The following TSG101 variants were observed in gnomAD, a reference collection of about 807,000 sequenced individuals.
TSG101 encodes tumor susceptibility gene 101 protein.
In TSG101, 19 loss-of-function variants were observed where a neutral mutation model predicts 48.5. The observed-to-expected ratio is 0.39, with a 90% CI of 0.27 to 0.58. The LOEUF (loss-of-function observed/expected upper bound fraction) is 0.58, where lower values mean the gene tolerates loss of function less well. Ranked by LOEUF, TSG101 falls within the 20% of genes least tolerant of loss-of-function variation. The pLI, the probability that TSG101 is intolerant of heterozygous loss-of-function variation, is 0.55. For missense variants in TSG101, 365 were observed against 484.4 expected (o/e 0.75, Z 2.31); for synonymous variants, 174 against 169.4 (o/e 1.03, Z -0.21).
At chr11:18,504,806 C>T (rs1349215007) in intron 6 of TSG101, among the ~76,000 whole-genome samples, 1 of 152,164 alleles carries the variant, frequency 6.6e-6, no homozygotes, top group Admixed American at 6.5e-5. Context: ...CTGCTTTTTA[C>T]TAGCAATTGT....
At chr11:18,519,643 A>G (rs769821075) in intron 1 of TSG101, 40 bp from the exon 2 acceptor site, 71 of 1,423,732 alleles carry the variant, frequency 5.0e-5, no homozygotes, top group Non-Finnish European at 6.5e-5. Context: ...TTTAAAACCA[A>G]TGCATATATT....
chr11:18,496,879 G>A (rs1006109548), intron 7 of TSG101, among the ~76,000 whole-genome samples: 8 of 152,084 alleles, frequency 5.3e-5, no homozygotes, highest in African/African-American at 1.9e-4. Context: ...GAGGTCAGGA[G>A]TTGCAGTTGG....
chr11:18,512,068 G>C (rs370396669), intron 4 of TSG101, among the ~76,000 whole-genome samples: 1 of 152,022 alleles, frequency 6.6e-6, no homozygotes, highest in African/African-American at 2.4e-5. Flanking sequence ...TAATATCTAT[G>C]TTAATATCTA....
chr11:18,488,745 T>C (rs1040217249), intron 7 of TSG101, among the ~76,000 whole-genome samples: 10 of 151,280 alleles, frequency 6.6e-5, no homozygotes, highest in Non-Finnish European at 1.2e-4. Flanking sequence ...CAGGTAAAGA[T>C]AGAATTCAAA....
chr11:18,498,914 T>C (rs1305304897), intron 7 of TSG101, among the ~76,000 whole-genome samples: 1 of 151,970 alleles, frequency 6.6e-6, no homozygotes, highest in Non-Finnish European at 1.5e-5. Flanking sequence ...GAGGAAAGTG[T>C]ATCAAGGAGG....
intron 4 of TSG101, among the ~76,000 whole-genome samples, chr11:18,511,845 T>C (rs1850088659): frequency 6.6e-6 from 1 of 152,178 alleles, no homozygotes; most frequent in African/African-American, 2.4e-5. Context: ...TTTCCATCTC[T>C]ATAGATTTGC....
chr11:18,487,987 GAC>G (rs1310082334), intron 7 of TSG101, among the ~76,000 whole-genome samples: 1 of 152,058 alleles, frequency 6.6e-6, no homozygotes, highest in African/African-American at 2.4e-5. Flanking sequence ...CTGTTTAAAA[GAC>G]ATACACAAAC....
chr11:18,522,717 C>T (rs905003739), intron 1 of TSG101, among the ~76,000 whole-genome samples: 2 of 152,226 alleles, frequency 1.3e-5, no homozygotes, highest in Admixed American at 1.3e-4. Context: ...CCCTCCAAAC[C>T]TCCCATACCA....
At chr11:18,524,842 T>C (rs1850339992) in intron 1 of TSG101, among the ~76,000 whole-genome samples, 1 of 152,102 alleles carries the variant, frequency 6.6e-6, no homozygotes, top group Admixed American at 6.6e-5. Flanking sequence ...TTAATTAGGG[T>C]ATAAAAAATA....
chr11:18,515,218 T>TA, intron 3 of TSG101, among the ~76,000 whole-genome samples: 1 of 152,228 alleles, frequency 6.6e-6, no homozygotes, highest in East Asian at 1.9e-4. Context: ...TCTATAGCAG[T>TA]TACAGAATAG....
intron 4 of TSG101, chr11:18,511,260 G>A (rs561853531): frequency 1.3e-5 from 2 of 152,140 alleles, no homozygotes; most frequent in Non-Finnish European, 2.9e-5. Context: ...CAGGATTACA[G>A]GATTAGGATT....
At chr11:18,488,384 T>G (rs945512382) in intron 7 of TSG101, among the ~76,000 whole-genome samples, 2 of 152,148 alleles carry the variant, frequency 1.3e-5, no homozygotes, top group Non-Finnish European at 2.9e-5. Context: ...ATAGGCCTAT[T>G]ATCAATTCTC....
intron 7 of TSG101, among the ~76,000 whole-genome samples, chr11:18,499,389 TATATA>T: frequency 1.2e-4 from 1 of 8,302 alleles, no homozygotes; most frequent in Admixed American, 3.0e-3. Flanking sequence ...TAAATATATA[TATATA>T]TATATATATT....
At position 18,514,850 on chromosome 11, in the gene TSG101, G is replaced by C; in HGVS notation, c.194-9C>G. ...AATATTGTATGTATTACCTGAAAAA[G>C]AAATAGAAACTTCAGTTACTCTATT... On this transcript the variant is annotated splice_polypyrimidine_tract_variant and intron_variant, in intron 3 of 9. Coordinates refer to ENST00000251968, the MANE Select transcript of TSG101 (RefSeq NM_006292.4). 6.5e-7 allele frequency: 1 copy of C among 1,528,256 alleles called. No individual in the cohort carries two copies. The highest frequency in any genetic ancestry group is 8.7e-7 in the Non-Finnish European group (1 of 1,150,046). 94.7% of individuals were successfully genotyped at this position (1,528,256 alleles called of 1,614,324 possible).
At chr11:18,514,116 T>G (rs115340105) in intron 4 of TSG101, among the ~76,000 whole-genome samples, 2 of 151,064 alleles carry the variant, frequency 1.3e-5, no homozygotes, top group African/African-American at 4.9e-5. Flanking sequence ...GTAAGTACCC[T>G]GGGGGAAAAG....
chr11:18,498,417 G>A (rs1849817173), intron 7 of TSG101, among the ~76,000 whole-genome samples: 1 of 152,200 alleles, frequency 6.6e-6, no homozygotes, highest in Non-Finnish European at 1.5e-5. Flanking sequence ...GAAGGCTTTT[G>A]AAGTAAATTA....
chr11:18,522,441 C>A (rs1850292413), intron 1 of TSG101, among the ~76,000 whole-genome samples: 1 of 152,174 alleles, frequency 6.6e-6, no homozygotes, highest in Admixed American at 6.6e-5. Context: ...TCTTCACATC[C>A]ACAGCAAATC....
intron 9 of TSG101, 110 bp from the exon 10 acceptor site, chr11:18,480,745 T>C (rs1849519668): frequency 1.1e-6 from 1 of 916,112 alleles, no homozygotes; most frequent in South Asian, 1.6e-5. Flanking sequence ...ACTCATGACC[T>C]GCCAACCTTT....
intron 1 of TSG101, among the ~76,000 whole-genome samples, chr11:18,520,047 A>G (rs1479689961): frequency 6.6e-6 from 1 of 152,198 alleles, no homozygotes; most frequent in African/African-American, 2.4e-5. Flanking sequence ...AAAGAAATCC[A>G]TACCCTTTAG....
Sources: allele counts gnomAD v4.1 joint callset (sites outside exome capture counted in the v4.1 genomes callset), GRCh38; gene constraint gnomAD v4.1.1; transcripts MANE v1.5; gene names NCBI Gene and HGNC (gene_info 2026-07-23, HGNC 2026-07-21).